The following ZNF148 variants were observed in gnomAD, a reference collection of about 807,000 sequenced individuals.
ZNF148 encodes the protein zinc finger protein 148.
ZNF148 carries 7 observed loss-of-function variants against 67.7 expected under a neutral mutation model. The ratio of observed to expected loss-of-function variants is 0.10; its 90% CI spans 0.06 to 0.19. ZNF148 has a LOEUF of 0.19. Ranked by LOEUF, ZNF148 falls within the 10% of genes least tolerant of loss-of-function variation. The pLI is 1.00. For synonymous variants in ZNF148, 333 were observed against 330.7 expected, an observed-to-expected ratio of 1.01 and a Z score of -0.08; for missense variants, 583 against 947.1, an observed-to-expected ratio of 0.62 and a Z score of 5.05.
At chr3:125,289,184 A>G (rs1938870221) in intron 4 of ZNF148, among the ~76,000 whole-genome samples, 1 of 152,218 alleles carries the variant, frequency 6.6e-6, no homozygotes, top group Non-Finnish European at 1.5e-5. Context: ...AGTAAGTACA[A>G]TGTGCTAATG....
At position 125,252,542 on chromosome 3, in the gene ZNF148, G is replaced by T. The variant is rs138904343; in HGVS notation, c.668-18213C>A. Reference sequence around the variant, plus strand: ...ACGCCTGTAATCCCTGCATGAGGCGGGTGGATCACGAGGTCAGGAGATCGA... The same window carrying T: ...ACGCCTGTAATCCCTGCATGAGGCGTGTGGATCACGAGGTCAGGAGATCGA... On this transcript the variant is annotated intron_variant, in intron 7 of 8. Transcript: ENST00000360647. Among the ~76,000 whole-genome samples, 144 of 152,080 alleles carry T rather than the reference G, an allele frequency of 9.5e-4. 1 individual carries two copies. The highest frequency in any genetic ancestry group is 3.0e-3 in the African/African-American group (124 of 41,516).
chr3:125,281,931 T>C (rs1318342205), intron 5 of ZNF148, among the ~76,000 whole-genome samples: 2 of 152,162 alleles, frequency 1.3e-5, no homozygotes, highest in African/African-American at 4.8e-5. Flanking sequence ...TTTAAATATA[T>C]CCAACTGATT....
chr3:125,365,746 A>C (rs1942682116), intron 1 of ZNF148, among the ~76,000 whole-genome samples: 1 of 152,208 alleles, frequency 6.6e-6, no homozygotes, highest in African/African-American at 2.4e-5. Context: ...TGAATCCACG[A>C]GGTAGAGGCT....
At chr3:125,344,751 G>A (rs554728435) in intron 1 of ZNF148, 2 of 525,260 alleles carry the variant, frequency 3.8e-6, no homozygotes, top group East Asian at 7.9e-5. Flanking sequence ...AATATCCTTG[G>A]GTGAGGTATG....
chr3:125,343,018 G>T (rs1309049281), intron 1 of ZNF148, among the ~76,000 whole-genome samples: 1 of 152,192 alleles, frequency 6.6e-6, no homozygotes, highest in Non-Finnish European at 1.5e-5. Flanking sequence ...CTAGTAATCT[G>T]CAAGGAGACA....
intron 1 of ZNF148, among the ~76,000 whole-genome samples, chr3:125,332,225 G>C (rs765224019): frequency 6.6e-6 from 1 of 151,946 alleles, no homozygotes; most frequent in Non-Finnish European, 1.5e-5. Flanking sequence ...TTGTTATTGA[G>C]GTAGTTACAA....
chr3:125,331,025 A>T, intron 2 of ZNF148, 133 bp downstream of exon 2: 1 of 394,284 alleles, frequency 2.5e-6, no homozygotes. Context: ...CATGTTATTT[A>T]TATGAATATA....
chr3:125,351,304 C>A (rs1942141317), intron 1 of ZNF148, among the ~76,000 whole-genome samples: 1 of 144,842 alleles, frequency 6.9e-6, no homozygotes, highest in Admixed American at 7.3e-5. Flanking sequence ...CTTGTTTAAG[C>A]CCAGAAGGTT....
At position 125,283,301 on chromosome 3, in the gene ZNF148, T is replaced by C. The variant is rs566915412; in HGVS notation, c.460-4054A>G. 3.3e-5 allele frequency among the ~76,000 whole-genome samples: 5 copies of C among 152,288 alleles called. No individual in the cohort carries two copies. In the East Asian group the frequency reaches 9.6e-4, roughly 29 times the overall value. On this transcript the variant is annotated intron_variant, in intron 5 of 8. Transcript: ENST00000360647. ...TTTATTGTTTCTCAGTACTAGATTT[T>C]TCTCATCACCAAATTTCCTTTTTAA...
chr3:125,258,888 T>TCA (rs980749134), intron 7 of ZNF148, among the ~76,000 whole-genome samples: 7 of 152,144 alleles, frequency 4.6e-5, no homozygotes, highest in African/African-American at 1.7e-4. Context: ...AAATCAAATC[T>TCA]AACTGATATG....
Position 125,232,694 on chromosome 3 carries a change from G to C in ZNF148, c.2032C>G (p.Leu678Val). 6.2e-7 allele frequency: 1 copy of C among 1,613,862 alleles called. No homozygotes were observed. Among genetic ancestry groups the C allele is most frequent in the Non-Finnish European group, 8.5e-7 (1 of 1,179,804 alleles). ...GAGTGCTGTGAATCACCAACTATTA[G>C]TCCAAAGTGGGACTTATCTGGAGTT... ...RTTPDKSHFG[L>V]IVGDSQHSFP... The change falls in exon 9 of 9, where the codon CTA becomes GTA. Residue 678 changes from leucine to valine, a missense_variant. Transcript: ENST00000360647. This position sits in a 1 kb window ranked among gnomAD's most constrained non-coding sequence, Gnocchi z 4.2.
intron 1 of ZNF148, among the ~76,000 whole-genome samples, chr3:125,358,818 T>C (rs914458657): frequency 6.6e-6 from 1 of 152,236 alleles, no homozygotes; most frequent in African/African-American, 2.4e-5. Context: ...TGCATTTCAT[T>C]CTAATCTCTT....
intron 7 of ZNF148, among the ~76,000 whole-genome samples, chr3:125,259,957 C>T (rs1319588137): frequency 6.6e-6 from 1 of 152,104 alleles, no homozygotes; most frequent in Non-Finnish European, 1.5e-5. Flanking sequence ...GAGGCCACTG[C>T]AGGGTTAACT....
chr3:125,374,842 G>A (rs1335648995), intron 1 of ZNF148, among the ~76,000 whole-genome samples: 3 of 151,740 alleles, frequency 2.0e-5, no homozygotes, highest in Non-Finnish European at 2.9e-5. Flanking sequence ...AGCCTCGGAG[G>A]CCGCCTTCTC....
At chr3:125,374,719 C>T (rs1006127191) in intron 1 of ZNF148, among the ~76,000 whole-genome samples, 2 of 152,056 alleles carry the variant, frequency 1.3e-5, no homozygotes, top group African/African-American at 4.8e-5. Context: ...CTGCACCAGG[C>T]ACGGTGGACA....
intron 5 of ZNF148, among the ~76,000 whole-genome samples, chr3:125,286,509 C>T (rs1938667287): frequency 6.6e-6 from 1 of 152,048 alleles, no homozygotes; most frequent in South Asian, 2.1e-4. Flanking sequence ...GAAATCTTTC[C>T]AAAAGTTCAC....
At chr3:125,361,525 CAG>C (rs1201935749) in intron 1 of ZNF148, among the ~76,000 whole-genome samples, 1 of 152,114 alleles carries the variant, frequency 6.6e-6, no homozygotes, top group Non-Finnish European at 1.5e-5. Context: ...AGAAACAAAA[CAG>C]AGCCATCAAC....
At chr3:125,280,571 C>T (rs544018243) in intron 5 of ZNF148, among the ~76,000 whole-genome samples, 3 of 151,414 alleles carry the variant, frequency 2.0e-5, no homozygotes, top group Non-Finnish European at 4.4e-5. Context: ...CTCTCAGCTA[C>T]TTGGGAGGCT....
chr3:125,305,791 CAAA>C (rs778876630), intron 4 of ZNF148, among the ~76,000 whole-genome samples: 8 of 81,974 alleles, frequency 9.8e-5, no homozygotes, highest in Non-Finnish European at 7.7e-5. Flanking sequence ...CCAGCACGGG[CAAA>C]AAAAAAAAAA....
Sources: gnomAD v4.1 joint callset for allele counts (sites outside exome capture counted in the v4.1 genomes callset) on GRCh38, gnomAD v4.1.1 for gene constraint, Gnocchi (gnomAD v3.1) non-coding constraint, MANE v1.5 for transcripts, NCBI Gene and HGNC (gene_info 2026-07-23, HGNC 2026-07-21) for gene names.